Variants in SYNPO2 observed in about 807,000 individuals in gnomAD.
SYNPO2 encodes the protein synaptopodin-2.
SYNPO2 carries 56 observed loss-of-function variants against 85.0 expected under a neutral mutation model. The ratio of observed to expected loss-of-function variants is 0.66; its 90% CI spans 0.53 to 0.82. The LOEUF is 0.82. Ranked by LOEUF, SYNPO2 falls within the 40% of genes least tolerant of loss-of-function variation. The pLI is 0.00. For missense variants in SYNPO2, 1,575 were observed against 1,534.2 expected, an observed-to-expected ratio of 1.03 and a Z score of -0.44; for synonymous variants, 602 against 591.1, an observed-to-expected ratio of 1.02 and a Z score of -0.27.
intron 1 of SYNPO2, among the ~76,000 whole-genome samples, chr4:118,863,144 G>A (rs1399945374): frequency 1.3e-5 from 2 of 152,068 alleles, no homozygotes; most frequent in African/African-American, 4.8e-5. Context: ...TATTTGTCTG[G>A]TTTTGATATC....
At chr4:119,055,781 A>C (rs552195600) in intron 4 of SYNPO2, among the ~76,000 whole-genome samples, 1 of 152,316 alleles carries the variant, frequency 6.6e-6, no homozygotes, top group African/African-American at 2.4e-5. Context: ...GCTAAGATTC[A>C]ACCATTGTAA....
intron 1 of SYNPO2, among the ~76,000 whole-genome samples, chr4:119,021,565 T>C (rs1737721529): frequency 6.6e-6 from 1 of 152,178 alleles, no homozygotes; most frequent in African/African-American, 2.4e-5. Flanking sequence ...TGAGAACAAT[T>C]GAACTCATAA....
intron 4 of SYNPO2, among the ~76,000 whole-genome samples, chr4:119,051,357 T>G (rs1739040444): frequency 6.7e-6 from 1 of 149,778 alleles, no homozygotes; most frequent in Admixed American, 6.7e-5. Flanking sequence ...GCCCGGCTAA[T>G]TTTTTGTATT....
chr4:118,937,142 C>T (rs28504350), intron 1 of SYNPO2, among the ~76,000 whole-genome samples: 8,549 of 152,232 alleles, frequency 0.056, 769 homozygotes, highest in African/African-American at 0.19. Flanking sequence ...GTAAAACTCT[C>T]CAGTTACTTT....
chr4:119,012,375 C>CTGTTTTTTTTTT (rs1737345191), intron 1 of SYNPO2, among the ~76,000 whole-genome samples: 1 of 109,766 alleles, frequency 9.1e-6, no homozygotes, highest in African/African-American at 3.3e-5. Context: ...TCCCCCTTTT[C>CTGTTTTTTTTTT]TTTTTTTTTT....
At chr4:119,022,219 T>C (rs1248082898) in intron 1 of SYNPO2, among the ~76,000 whole-genome samples, 3 of 152,182 alleles carry the variant, frequency 2.0e-5, no homozygotes, top group Non-Finnish European at 4.4e-5. Context: ...TACCTCCTTC[T>C]TATAGTCATG....
intron 1 of SYNPO2, among the ~76,000 whole-genome samples, chr4:118,878,088 C>A (rs1272529553): frequency 6.6e-6 from 1 of 152,168 alleles, no homozygotes; most frequent in Non-Finnish European, 1.5e-5. Context: ...CCATTATCCT[C>A]AGCAAACCAC....
intron 1 of SYNPO2, among the ~76,000 whole-genome samples, chr4:118,900,703 C>CTCTCTCTCTCTCTCTATATATATATA (rs1277981772): frequency 4.6e-5 from 2 of 43,892 alleles, no homozygotes; most frequent in African/African-American, 1.6e-4. Context: ...CTCTCTCTCT[C>CTCTCTCTCTCTCTCTATATATATATA]TATATATATA....
intron 1 of SYNPO2, among the ~76,000 whole-genome samples, chr4:118,945,843 T>G (rs919356773): frequency 6.6e-6 from 1 of 152,094 alleles, no homozygotes; most frequent in Non-Finnish European, 1.5e-5. Flanking sequence ...CCTCCCGGAT[T>G]CAAGCAATTC....
chr4:118,980,549 A>G (rs759844000), intron 1 of SYNPO2, among the ~76,000 whole-genome samples: 1 of 152,088 alleles, frequency 6.6e-6, no homozygotes, highest in Non-Finnish European at 1.5e-5. Flanking sequence ...CATTCCACCG[A>G]CTGGACTAAT....
intron 1 of SYNPO2, among the ~76,000 whole-genome samples, chr4:119,002,417 C>T (rs892980069): frequency 1.2e-4 from 18 of 152,214 alleles, no homozygotes; most frequent in Admixed American, 3.3e-4. Context: ...CTTACCACCA[C>T]GCCTGGCTAA....
intron 1 of SYNPO2, among the ~76,000 whole-genome samples, chr4:118,955,287 G>A (rs550640886): frequency 2.6e-5 from 4 of 151,986 alleles, no homozygotes; most frequent in East Asian, 1.9e-4. Context: ...GGTGTGAGCC[G>A]GATTCAGATT....
intron 1 of SYNPO2, among the ~76,000 whole-genome samples, chr4:118,857,369 C>CAT (rs1731524778): frequency 1.3e-5 from 2 of 151,872 alleles, no homozygotes; most frequent in South Asian, 4.2e-4. Context: ...AAATGATGAC[C>CAT]ATATTAAACT....
At chr4:118,900,703 C>CTCTCTCTCTCTCTCTA (rs1277981772) in intron 1 of SYNPO2, among the ~76,000 whole-genome samples, 20 of 43,894 alleles carry the variant, frequency 4.6e-4, no homozygotes, top group African/African-American at 8.7e-4. Context: ...CTCTCTCTCT[C>CTCTCTCTCTCTCTCTA]TATATATATA....
intron 1 of SYNPO2, among the ~76,000 whole-genome samples, chr4:118,972,792 C>T (rs915922069): frequency 6.6e-6 from 1 of 152,210 alleles, no homozygotes; most frequent in Non-Finnish European, 1.5e-5. Context: ...ACAAAAATCT[C>T]CTCAAAGTTC....
chr4:118,977,636 G>A (rs1034359493), intron 1 of SYNPO2, among the ~76,000 whole-genome samples: 1 of 152,250 alleles, frequency 6.6e-6, no homozygotes, highest in Non-Finnish European at 1.5e-5. Flanking sequence ...AGCCTTGTGG[G>A]TGGGATCCAG....
chr4:119,035,098 T>G (rs1738453698), intron 4 of SYNPO2: 1 of 985,344 alleles, frequency 1.0e-6, no homozygotes, highest in Non-Finnish European at 1.2e-6. Flanking sequence ...TTATGTATAT[T>G]ATCCCAAATC....
Position 119,032,020 on chromosome 4 carries a change from C to A in SYNPO2, c.3245C>A (p.Thr1082Lys). 1 of 1,614,062 alleles carries A rather than the reference C, an allele frequency of 6.2e-7. No homozygotes were observed. The highest frequency in any genetic ancestry group is 8.5e-7 in the Non-Finnish European group (1 of 1,179,974). The stretch of plus-strand genomic sequence containing the variant: ...TTCTCAGCCAAGAAAAGTGGTGTCA[C>A]AATTCAGGTGTGGAAACCATCTGTT... Reference protein sequence around the residue: ...PKFSAKKSGVTIQESGRSLSL... With the variant: ...PKFSAKKSGVKIQESGRSLSL... The change falls in exon 4 of 5, where the codon ACA becomes AAA. Residue 1082 changes from threonine to lysine, a missense_variant. Physicochemically the swap from Thr to Lys is moderately conservative, Grantham distance 78. Around this residue, in one of 3 missense-constraint regions of SYNPO2, gnomAD observed 1,508 missense variants for 1,446.8 expected, o/e 1.04. Coordinates refer to ENST00000307142, the MANE Select transcript of SYNPO2 (RefSeq NM_133477.3).
At chr4:118,916,092 A>G (rs893235941) in intron 1 of SYNPO2, among the ~76,000 whole-genome samples, 12 of 151,684 alleles carry the variant, frequency 7.9e-5, no homozygotes, top group African/African-American at 2.2e-4. Flanking sequence ...TGACCTTTCT[A>G]TATTATAACC....
Sources: allele counts gnomAD v4.1 joint callset (sites outside exome capture counted in the v4.1 genomes callset), GRCh38; gene constraint gnomAD v4.1.1; regional missense constraint gnomAD v4.1.1; transcripts MANE v1.5; gene names NCBI Gene and HGNC (gene_info 2026-07-23, HGNC 2026-07-21).